NCOA2: variants seen among roughly 807,000 people sequenced by gnomAD.
NCOA2 encodes class E basic helix-loop-helix protein 75.
Under a neutral mutation model 145.1 loss-of-function variants are expected in NCOA2, and 21 were observed. The ratio of observed to expected loss-of-function variants is 0.14; its 90% CI spans 0.10 to 0.21. The LOEUF (loss-of-function observed/expected upper bound fraction) is 0.21, where lower values mean the gene tolerates loss of function less well. Among genes scored for constraint, NCOA2 ranks in the 10% least tolerant of loss-of-function variants. The pLI is 1.00. For synonymous variants in NCOA2, 619 were observed against 637.5 expected (o/e 0.97, Z 0.44); for missense variants, 1,472 against 1,837.6 (o/e 0.80, Z 3.64).
intron 13 of NCOA2, among the ~76,000 whole-genome samples, chr8:70,143,821 T>C (rs1286005038): frequency 6.6e-6 from 1 of 152,240 alleles, no homozygotes; most frequent in East Asian, 1.9e-4. Flanking sequence ...CATGCCTTTG[T>C]TTCTAGTGAC....
At chr8:70,230,459 T>C (rs1334217088) in intron 2 of NCOA2, among the ~76,000 whole-genome samples, 1 of 152,174 alleles carries the variant, frequency 6.6e-6, no homozygotes, top group Non-Finnish European at 1.5e-5. Flanking sequence ...TTAAAAAGGC[T>C]GAATTTTATG....
chr8:70,155,780 T>C lies in NCOA2; in HGVS notation c.2394+191A>G, dbSNP rs773006151. Among the ~76,000 whole-genome samples, 51 of 152,234 alleles carry C rather than the reference T, an allele frequency of 3.4e-4. No individual in the cohort carries two copies. Among genetic ancestry groups the C allele is most frequent in the Non-Finnish European group, 5.0e-4 (34 of 68,044 alleles). On this transcript the variant is annotated intron_variant, in intron 11 of 22. Coordinates refer to ENST00000452400, the MANE Select transcript of NCOA2 (RefSeq NM_006540.4). ...TCACAAAAAAAGGCCTGCCCACCTA[T>C]GTTCTATAACAATGTCACTCTGCTA...
At chr8:70,361,940 CAT>C (rs1810238328) in intron 1 of NCOA2, among the ~76,000 whole-genome samples, 1 of 152,164 alleles carries the variant, frequency 6.6e-6, no homozygotes, top group Non-Finnish European at 1.5e-5. Flanking sequence ...AACACAGGAA[CAT>C]ATCTAGTTTT....
At chr8:70,239,072 C>T (rs775203753) in intron 2 of NCOA2, among the ~76,000 whole-genome samples, 1 of 152,116 alleles carries the variant, frequency 6.6e-6, no homozygotes, top group Non-Finnish European at 1.5e-5. Context: ...ACTACCTTGC[C>T]TTTTCCTACT....
the NCOA2 span, among the ~76,000 whole-genome samples, chr8:70,427,150 T>C: frequency 1.2e-4 from 19 of 152,170 alleles, no homozygotes; most frequent in African/African-American, 4.6e-4. Context: ...TGTATTATAT[T>C]CTAACACTGT....
intron 1 of NCOA2, among the ~76,000 whole-genome samples, chr8:70,374,987 G>GA (rs200819663): frequency 3.3e-5 from 5 of 151,372 alleles, no homozygotes; most frequent in South Asian, 2.1e-4. Context: ...AACTTAAGTA[G>GA]AAAAAAAGTT....
intron 16 of NCOA2, 47 bp downstream of exon 16, chr8:70,131,790 C>A: frequency 1.3e-6 from 2 of 1,547,912 alleles, no homozygotes; most frequent in South Asian, 1.2e-5. Context: ...GACACCTCTG[C>A]GCCCATGAGA....
intron 1 of NCOA2, among the ~76,000 whole-genome samples, chr8:70,323,421 A>G (rs1045999307): frequency 6.6e-6 from 1 of 152,378 alleles, no homozygotes; most frequent in African/African-American, 2.4e-5. Context: ...AACAGCGAGA[A>G]AGCACACGAA....
Position 70,124,738 on chromosome 8 carries a change from C to T in NCOA2, c.4044G>A (p.Gln1348=), listed in dbSNP as rs1179880574. The T allele has an allele frequency of 1.2e-6, 2 of 1,613,328 alleles. No individual in the cohort carries two copies. The highest frequency in any genetic ancestry group is 1.3e-5 in the African/African-American group (1 of 74,930). ...MQQSQANPAY[Q]APSDINGWAQ... The stretch of plus-strand genomic sequence containing the variant: ...CCCATCCATTTATGTCGGAGGGGGC[C>T]TGATAGGCTGGGTTGGCCTGAGACT... Residue 1348 remains glutamine (Q), a synonymous_variant, in exon 20 of 23, where the codon CAG becomes CAA. Coordinates refer to ENST00000452400, the MANE Select transcript of NCOA2 (RefSeq NM_006540.4).
Position 70,332,824 on chromosome 8 carries a change from G to GA in NCOA2, c.-76-36025dup, listed in dbSNP as rs1231900727. 8.3e-4 allele frequency among the ~76,000 whole-genome samples: 126 copies of GA among 152,252 alleles called. 1 individual carries two copies. Among genetic ancestry groups the GA allele is most frequent in the African/African-American group, 2.9e-3 (122 of 41,546 alleles). On this transcript the variant is annotated intron_variant, in intron 1 of 22. Coordinates refer to ENST00000452400, the MANE Select transcript of NCOA2 (RefSeq NM_006540.4). ...GAAACACATGCTTTACGAAAGCTGG[G>GA]ATGTGGTTGCTTAATACAGAGAAGA...
In NCOA2 at chr8:70,110,751, G is replaced by A. The variant is rs532497307; in HGVS notation, c.*2881C>T. On this transcript the variant is annotated 3_prime_UTR_variant, in exon 23 of 23. Transcript: ENST00000452400. ...GCCATAAGAGATACACATAGGGGGA[G>A]GGGCATTTTAATCTTTGAGTCAAAC... The A allele has an allele frequency of 8.5e-5, 19 of 223,696 alleles. 1 individual carries two copies. The South Asian group carries it at 3.5e-3, about 41-fold the overall frequency. The allele number at this position is 223,696 out of a possible 1,614,324, so 13.9% of individuals were successfully genotyped here. A position where few individuals can be genotyped will look rare whatever the true frequency, so the allele number is the denominator to read the frequency against.
intron 1 of NCOA2, among the ~76,000 whole-genome samples, chr8:70,344,844 T>TAA (rs1033399729): frequency 6.6e-6 from 1 of 152,168 alleles, no homozygotes; most frequent in Non-Finnish European, 1.5e-5. Flanking sequence ...TTTTAAAAAA[T>TAA]AATAAACACT....
At chr8:70,283,342 T>C (rs1404697359) in intron 2 of NCOA2, among the ~76,000 whole-genome samples, 1 of 152,252 alleles carries the variant, frequency 6.6e-6, no homozygotes, top group African/African-American at 2.4e-5. Flanking sequence ...ACCAAAATGA[T>C]GCATTTAAAA....
chr8:70,202,904 T>A (rs964232802), intron 4 of NCOA2, among the ~76,000 whole-genome samples: 2 of 152,142 alleles, frequency 1.3e-5, no homozygotes, highest in Non-Finnish European at 2.9e-5. Flanking sequence ...ATGAAAATAG[T>A]TGCAAGGGCT....
intron 4 of NCOA2, among the ~76,000 whole-genome samples, chr8:70,180,511 T>C (rs1211405900): frequency 6.6e-6 from 1 of 152,222 alleles, no homozygotes; most frequent in Admixed American, 6.5e-5. Flanking sequence ...TAATATTATA[T>C]TCCATAGGTT....
chr8:70,279,483 T>C (rs1448065416), intron 2 of NCOA2, among the ~76,000 whole-genome samples: 2 of 152,192 alleles, frequency 1.3e-5, no homozygotes, highest in Non-Finnish European at 2.9e-5. Context: ...CTGGGGTTGA[T>C]AAAAAGCTGG....
intron 15 of NCOA2, among the ~76,000 whole-genome samples, chr8:70,137,544 C>T (rs1423229446): frequency 6.6e-6 from 1 of 152,172 alleles, no homozygotes; most frequent in Admixed American, 6.5e-5. Flanking sequence ...ATCAAATAAA[C>T]GTATCTAGAA....
At chr8:70,123,529 A>C (rs1039674622) in intron 21 of NCOA2, among the ~76,000 whole-genome samples, 7 of 150,734 alleles carry the variant, frequency 4.6e-5, no homozygotes, top group Non-Finnish European at 7.4e-5. Flanking sequence ...ACAAAACAAA[A>C]CCCCCCCAAA....
the NCOA2 span, among the ~76,000 whole-genome samples, chr8:70,417,176 G>C: frequency 6.8e-6 from 1 of 146,934 alleles, no homozygotes; most frequent in South Asian, 2.2e-4. Context: ...GGAAGGCTGA[G>C]ACAGGAGGAT....
Sources: gnomAD v4.1 joint callset for allele counts (sites outside exome capture counted in the v4.1 genomes callset) on GRCh38, gnomAD v4.1.1 for gene constraint, MANE v1.5 for transcripts, NCBI Gene and HGNC (gene_info 2026-07-23, HGNC 2026-07-21) for gene names.